Variants in FAM13A observed in about 807,000 individuals in gnomAD.
FAM13A encodes protein FAM13A.
FAM13A carries 76 observed loss-of-function variants against 129.6 expected under a neutral mutation model. The observed-to-expected ratio is 0.59, with a 90% CI of 0.49 to 0.71. The LOEUF (loss-of-function observed/expected upper bound fraction) is 0.71, where lower values mean the gene tolerates loss of function less well. Among genes scored for constraint, FAM13A ranks in the 30% least tolerant of loss-of-function variants. The pLI is 0.00. For missense variants in FAM13A, 1,108 were observed against 1,249.3 expected (o/e 0.89, Z 1.70); for synonymous variants, 443 against 449.9 (o/e 0.98, Z 0.20).
rs1379571423 is a variant in FAM13A at position 88,760,560 on chromosome 4, C to T, written c.1579-1659G>A. On this transcript the variant is annotated intron_variant, in intron 13 of 23. Transcript: ENST00000264344. Reference sequence around the variant, plus strand: ...CGGAGCTTGCAGTGAGCCGAGGTCGCGCCACTGCACTCCAGCCTGGGCGAC... The same window carrying T: ...CGGAGCTTGCAGTGAGCCGAGGTCGTGCCACTGCACTCCAGCCTGGGCGAC... Among the ~76,000 whole-genome samples, 4 of 23,870 alleles carry T rather than the reference C, an allele frequency of 1.7e-4. 1 individual carries two copies. The highest frequency in any genetic ancestry group is 9.3e-4 in the South Asian group (1 of 1,072). 15.7% of individuals were successfully genotyped at this position (23,870 alleles called of 152,430 possible). A position where few individuals can be genotyped will look rare whatever the true frequency, so the allele number is the denominator to read the frequency against.
intron 4 of FAM13A, among the ~76,000 whole-genome samples, chr4:88,964,633 CTTT>C (rs763599993): frequency 5.2e-5 from 7 of 135,646 alleles, no homozygotes; most frequent in Admixed American, 7.5e-5. Context: ...ACACTCTGCT[CTTT>C]TTTTTTTTTT....
chr4:88,764,175 A>G (rs1745322130), intron 13 of FAM13A, among the ~76,000 whole-genome samples: 1 of 152,026 alleles, frequency 6.6e-6, no homozygotes, highest in Non-Finnish European at 1.5e-5. Flanking sequence ...TTGAAGCAGG[A>G]TAAGAAACAT....
At chr4:89,045,916 C>T (rs1282036035) in intron 1 of FAM13A, among the ~76,000 whole-genome samples, 3 of 151,142 alleles carry the variant, frequency 2.0e-5, no homozygotes, top group Admixed American at 6.6e-5. Flanking sequence ...CCCAGCTACT[C>T]GGGAGGCTGA....
chr4:88,882,020 G>A (rs181419891), intron 6 of FAM13A, among the ~76,000 whole-genome samples: 14 of 152,212 alleles, frequency 9.2e-5, no homozygotes, highest in Admixed American at 4.6e-4. Flanking sequence ...TGTTGTTCCC[G>A]AGGAAGATGA....
intron 5 of FAM13A, among the ~76,000 whole-genome samples, chr4:88,907,057 A>T (rs995270222): frequency 2.6e-5 from 4 of 152,260 alleles, no homozygotes; most frequent in African/African-American, 7.2e-5. Context: ...AATTACAAGG[A>T]GGCAGCTGAG....
In FAM13A at chr4:88,758,894, G is replaced by A. The variant is rs755732702; in HGVS notation, c.1586C>T (p.Thr529Ile). 6.2e-7 allele frequency: 1 copy of A among 1,613,646 alleles called. No individual in the cohort carries two copies. The highest frequency in any genetic ancestry group is 1.1e-5 in the South Asian group (1 of 91,034). Residue 529 changes from threonine (T) to isoleucine (I), a missense_variant, in exon 14 of 24, where the codon ACA becomes ATA. Transcript: ENST00000264344. Reference protein sequence around the residue: ...GGHTQHFESPTMKIQEHPSLS... With the variant: ...GGHTQHFESPIMKIQEHPSLS... ...GCTGGGATGCTCCTGGATCTTCATTGTGGGGCTCTGCAATAACAGCACAAT... is the reference window on the plus strand; with the variant it reads ...GCTGGGATGCTCCTGGATCTTCATTATGGGGCTCTGCAATAACAGCACAAT...
chr4:88,975,338 C>T (rs1219835205), intron 4 of FAM13A, among the ~76,000 whole-genome samples: 1 of 152,102 alleles, frequency 6.6e-6, no homozygotes, highest in Non-Finnish European at 1.5e-5. Flanking sequence ...GAGATTATTA[C>T]ATAAGTGCAC....
At chr4:88,748,653 A>C (rs1442191257) in intron 17 of FAM13A, among the ~76,000 whole-genome samples, 1 of 152,210 alleles carries the variant, frequency 6.6e-6, no homozygotes, top group African/African-American at 2.4e-5. Flanking sequence ...CCACCACAGC[A>C]AATGGAGACT....
intron 2 of FAM13A, among the ~76,000 whole-genome samples, chr4:89,025,820 G>A (rs1056096756): frequency 6.6e-6 from 1 of 152,020 alleles, no homozygotes; most frequent in African/African-American, 2.4e-5. Context: ...ATATATACAC[G>A]AAACATCTTA....
chr4:88,790,709 C>T, intron 8 of FAM13A, 82 bp from the exon 9 acceptor site: 1 of 1,211,304 alleles, frequency 8.3e-7, no homozygotes, highest in Non-Finnish European at 1.2e-6. Flanking sequence ...GGATCGCAGG[C>T]TGAAAGAAAT....
chr4:88,837,247 G>A (rs1273451301), intron 7 of FAM13A, among the ~76,000 whole-genome samples: 1 of 150,968 alleles, frequency 6.6e-6, no homozygotes, highest in Non-Finnish European at 1.5e-5. Context: ...CACCCACCTC[G>A]GCCTCCCAAA....
chr4:88,780,381 G>A (rs1198262161), intron 11 of FAM13A, among the ~76,000 whole-genome samples: 1 of 152,086 alleles, frequency 6.6e-6, no homozygotes. Flanking sequence ...CAGTAGGAGA[G>A]GATATTGCCT....
At chr4:89,052,282 T>C (rs950479201) in intron 1 of FAM13A, among the ~76,000 whole-genome samples, 11 of 146,550 alleles carry the variant, frequency 7.5e-5, no homozygotes, top group Non-Finnish European at 3.0e-5. Context: ...TTCTTTTTTC[T>C]TTTATTTTAT....
At position 88,727,536 on chromosome 4, in the gene FAM13A, A is replaced by AT. The variant is rs3832295; in HGVS notation, c.*996dup. On this transcript the variant is annotated 3_prime_UTR_variant, in exon 24 of 24. Transcript: ENST00000264344. ...TGTCAGTTTGGGGATTTTAGTGCAG[A>AT]TTTTTTTTAAAAAAATTAAACTCTG... 9,676 of 152,390 alleles carry AT rather than the reference A, an allele frequency of 0.063. 662 individuals are homozygous for AT. The highest frequency in any genetic ancestry group is 0.33 in the South Asian group (1,563 of 4,782). The allele number at this position is 152,390 out of a possible 1,614,324, so 9.4% of individuals were successfully genotyped here.
intron 3 of FAM13A, among the ~76,000 whole-genome samples, chr4:89,007,052 T>C (rs10015415): frequency 0.54 from 82,144 of 151,966 alleles, 22,783 homozygotes; most frequent in Middle Eastern, 0.7. Context: ...TTTAGGGTCA[T>C]GGGTCCAGGC....
In FAM13A at chr4:88,760,331, G is replaced by A. The variant is rs1744543381; in HGVS notation, c.1579-1430C>T. Among the ~76,000 whole-genome samples, 2 of 28,762 alleles carry A rather than the reference G, an allele frequency of 7.0e-5. 1 individual carries two copies. Among genetic ancestry groups the A allele is most frequent in the Non-Finnish European group, 3.9e-4 (2 of 5,144 alleles). 18.9% of individuals were successfully genotyped at this position (28,762 alleles called of 152,430 possible). A position where few individuals can be genotyped will look rare whatever the true frequency, so the allele number is the denominator to read the frequency against. On this transcript the variant is annotated intron_variant, in intron 13 of 23. Coordinates refer to ENST00000264344, the MANE Select transcript of FAM13A (RefSeq NM_014883.4). ...TTATAGAAATGCCAAGTGGCCGGGC[G>A]CGGTGGCTCACGCCTGTAATCCCAG... is the stretch of plus-strand genomic sequence containing the variant.
At chr4:88,927,929 T>A (rs893440517) in intron 5 of FAM13A, among the ~76,000 whole-genome samples, 1 of 152,150 alleles carries the variant, frequency 6.6e-6, no homozygotes, top group African/African-American at 2.4e-5. Flanking sequence ...GTTTTTCTAG[T>A]TCCTTGAGGT....
At chr4:88,923,996 A>G (rs1215922618) in intron 5 of FAM13A, among the ~76,000 whole-genome samples, 2 of 152,148 alleles carry the variant, frequency 1.3e-5, no homozygotes, top group Non-Finnish European at 2.9e-5. Flanking sequence ...CAACTTACAA[A>G]GGACGTGAAG....
intron 8 of FAM13A, among the ~76,000 whole-genome samples, chr4:88,791,513 G>A (rs145427093): frequency 6.6e-6 from 1 of 152,140 alleles, no homozygotes; most frequent in African/African-American, 2.4e-5. Flanking sequence ...TAGTTGGCTT[G>A]TGAATCAAGA....
Sources: gnomAD v4.1 joint callset for allele counts (sites outside exome capture counted in the v4.1 genomes callset) on GRCh38, gnomAD v4.1.1 for gene constraint, MANE v1.5 for transcripts, NCBI Gene and HGNC (gene_info 2026-07-23, HGNC 2026-07-21) for gene names.